Variants in AKAP6 observed in about 807,000 individuals in gnomAD.
The protein encoded by AKAP6 is A-kinase anchor protein 6.
In AKAP6, 58 loss-of-function variants were observed where a neutral mutation model predicts 188.5. That is an observed-to-expected ratio of 0.31 (90% confidence interval 0.25 to 0.38). AKAP6 has a LOEUF of 0.38. AKAP6 is among the 10% of genes least tolerant of loss of function. The probability of loss-of-function intolerance (pLI) is 1.00; values close to 1 mark genes in which losing one functional copy is unlikely to be tolerated. For missense variants in AKAP6, 2,710 were observed against 2,740.0 expected (o/e 0.99, Z 0.24); for synonymous variants, 989 against 998.6 (o/e 0.99, Z 0.18).
At chr14:32,451,178 G>A (rs1277364354) in intron 2 of AKAP6, among the ~76,000 whole-genome samples, 3 of 152,068 alleles carry the variant, frequency 2.0e-5, no homozygotes, top group Non-Finnish European at 4.4e-5. Context: ...TTTTATACTG[G>A]CTGGTATACA....
intron 11 of AKAP6, among the ~76,000 whole-genome samples, chr14:32,751,528 G>A (rs1185177049): frequency 7.8e-6 from 1 of 128,666 alleles, no homozygotes; most frequent in Non-Finnish European, 1.6e-5. Flanking sequence ...TGGGAACTTG[G>A]TGAGTCCTAA....
intron 2 of AKAP6, among the ~76,000 whole-genome samples, chr14:32,515,157 G>A (rs1594697902): frequency 6.6e-6 from 1 of 152,276 alleles, no homozygotes; most frequent in African/African-American, 2.4e-5. Context: ...AGAAACAAAG[G>A]CAAGTCTTGC....
At chr14:32,398,690 A>G (rs983868833) in intron 1 of AKAP6, among the ~76,000 whole-genome samples, 5 of 151,824 alleles carry the variant, frequency 3.3e-5, no homozygotes, top group South Asian at 2.1e-4. Context: ...TTATAGTGGC[A>G]TTTCTCCAAT....
intron 12 of AKAP6, 137 bp from the exon 13 acceptor site, chr14:32,821,265 T>C: frequency 5.8e-6 from 5 of 855,674 alleles, no homozygotes; most frequent in Non-Finnish European, 8.8e-6. Context: ...GGAATAGAGT[T>C]GATAATTAGG....
At chr14:32,765,814 A>G (rs561782049) in intron 11 of AKAP6, among the ~76,000 whole-genome samples, 4 of 152,162 alleles carry the variant, frequency 2.6e-5, no homozygotes, top group African/African-American at 4.8e-5. Flanking sequence ...TATCATTAGC[A>G]TCTGTTGTAT....
intron 5 of AKAP6, among the ~76,000 whole-genome samples, chr14:32,580,563 A>G (rs1219493784): frequency 6.6e-6 from 1 of 151,840 alleles, no homozygotes; most frequent in African/African-American, 2.4e-5. Flanking sequence ...TTATTTTATT[A>G]TTATTATACT....
intron 7 of AKAP6, among the ~76,000 whole-genome samples, chr14:32,631,639 C>T (rs1391539908): frequency 6.6e-6 from 1 of 152,030 alleles, no homozygotes; most frequent in Non-Finnish European, 1.5e-5. Context: ...GAACCCAGCA[C>T]TATAGCATTT....
chr14:32,501,267 A>G (rs530476694), intron 2 of AKAP6, among the ~76,000 whole-genome samples: 1 of 152,200 alleles, frequency 6.6e-6, no homozygotes, highest in Non-Finnish European at 1.5e-5. Flanking sequence ...TTTGAAATCC[A>G]GTGTGTATCT....
intron 4 of AKAP6, among the ~76,000 whole-genome samples, chr14:32,576,809 C>G (rs886855587): frequency 6.6e-6 from 1 of 151,996 alleles, no homozygotes; most frequent in African/African-American, 2.4e-5. Context: ...TGTCAGACAC[C>G]AGAAATGTTT....
intron 2 of AKAP6, among the ~76,000 whole-genome samples, chr14:32,501,582 A>G (rs1332739094): frequency 1.3e-5 from 2 of 151,996 alleles, no homozygotes; most frequent in Non-Finnish European, 1.5e-5. Flanking sequence ...CCCAGGAGGA[A>G]AAAAAAATAG....
intron 2 of AKAP6, among the ~76,000 whole-genome samples, chr14:32,529,560 GA>G (rs1343421089): frequency 1.3e-5 from 2 of 152,162 alleles, no homozygotes; most frequent in Non-Finnish European, 2.9e-5. Context: ...GTCTTTGCGG[GA>G]AAACTTCTAG....
At chr14:32,388,263 T>C (rs1206915815) in intron 1 of AKAP6, among the ~76,000 whole-genome samples, 1 of 152,208 alleles carries the variant, frequency 6.6e-6, no homozygotes, top group East Asian at 1.9e-4. Flanking sequence ...TTGCTAATGG[T>C]CTATTAATTT....
chr14:32,827,129 T>C lies in AKAP6; in HGVS notation c.*42+2314T>C, dbSNP rs549655345. Among the ~76,000 whole-genome samples, 49 of 152,332 alleles carry C rather than the reference T, an allele frequency of 3.2e-4. 1 individual carries two copies. The highest frequency in any genetic ancestry group is 9.2e-4 in the Admixed American group (14 of 15,296). On this transcript the variant is annotated intron_variant, in intron 13 of 13. Transcript: ENST00000280979. ...CAGGACAAATTATTTAATCTCAAAA[T>C]GTTGACATGCCTTCAGTATTTAATG...
chr14:32,694,240 A>G (rs1890301222), intron 8 of AKAP6, among the ~76,000 whole-genome samples: 1 of 152,048 alleles, frequency 6.6e-6, no homozygotes, highest in Non-Finnish European at 1.5e-5. Context: ...GGGCGCCTGT[A>G]GTCCCAGCTA....
At chr14:32,626,036 A>C (rs887330343) in intron 7 of AKAP6, among the ~76,000 whole-genome samples, 1 of 152,140 alleles carries the variant, frequency 6.6e-6, no homozygotes. Flanking sequence ...AATACGTGGA[A>C]GCACTAACAT....
Position 32,526,042 on chromosome 14 carries a change from C to T in AKAP6, c.325-9512C>T, listed in dbSNP as rs139295208. Among the ~76,000 whole-genome samples the T allele has an allele frequency of 3.3e-5, 5 of 152,172 alleles. No individual in the cohort carries two copies. In the East Asian group the frequency reaches 7.7e-4, roughly 23 times the overall value. The stretch of plus-strand genomic sequence containing the variant: ...TAAAAAGTCAGGATTATTCCCACTG[C>T]GCTCCATTATGGTCATTCTTTTTTT... On this transcript the variant is annotated intron_variant, in intron 2 of 13. Coordinates refer to ENST00000280979, the MANE Select transcript of AKAP6 (RefSeq NM_004274.5).
At chr14:32,351,919 T>G (rs1229480723) in intron 1 of AKAP6, among the ~76,000 whole-genome samples, 1 of 152,188 alleles carries the variant, frequency 6.6e-6, no homozygotes, top group Non-Finnish European at 1.5e-5. Flanking sequence ...ACAGGTTTTC[T>G]TTATTTTTTC....
rs746508448 is a variant in AKAP6, at chr14:32,822,469, C to T, written c.4656C>T (p.Gly1552=). Reference sequence around the variant, plus strand: ...GCAATATAGAAAAGACATTCACTGGCATGCAGAATGCCAAACAGCTCTCCC... The same window carrying T: ...GCAATATAGAAAAGACATTCACTGGTATGCAGAATGCCAAACAGCTCTCCC... ...KSGNIEKTFT[G]MQNAKQLSLL... Residue 1552 remains glycine, a synonymous_variant, in exon 13 of 14, where the codon GGC becomes GGT. Coordinates refer to ENST00000280979, the MANE Select transcript of AKAP6 (RefSeq NM_004274.5). The T allele has an allele frequency of 3.7e-6, 6 of 1,613,916 alleles. No individual in the cohort carries two copies. The Admixed American group carries it at 1.0e-4, about 27-fold the overall frequency.
At chr14:32,574,702 T>C (rs1344234372) in intron 4 of AKAP6, among the ~76,000 whole-genome samples, 1 of 152,208 alleles carries the variant, frequency 6.6e-6, no homozygotes, top group Admixed American at 6.5e-5. Context: ...AATTTATATG[T>C]ACAGATATAA....
Sources: gnomAD v4.1 joint callset for allele counts (sites outside exome capture counted in the v4.1 genomes callset) on GRCh38, gnomAD v4.1.1 for gene constraint, MANE v1.5 for transcripts, NCBI Gene and HGNC (gene_info 2026-07-23, HGNC 2026-07-21) for gene names.